The following DHDH variants were observed in gnomAD, a reference collection of about 807,000 sequenced individuals.
DHDH encodes the protein dihydrodiol dehydrogenase.
Under a neutral mutation model 33.2 loss-of-function variants are expected in DHDH, and 29 were observed. That is an observed-to-expected ratio of 0.87 (90% confidence interval 0.65 to 1.19). The LOEUF (loss-of-function observed/expected upper bound fraction) is 1.19. DHDH is among the 50% of genes most tolerant of loss of function. DHDH has a pLI of 0.00. For synonymous variants in DHDH, 201 were observed against 187.9 expected, an observed-to-expected ratio of 1.07 and a Z score of -0.57; for missense variants, 431 against 455.0, an observed-to-expected ratio of 0.95 and a Z score of 0.48.
At chr19:48,936,319 A>G (rs1180679648) in intron 3 of DHDH, 124 bp downstream of exon 3, 18 of 1,297,346 alleles carry the variant, frequency 1.4e-5, no homozygotes, top group Non-Finnish European at 1.8e-5. Flanking sequence ...GGCAGCATCT[A>G]TTACCGTGAA....
upstream of DHDH, among the ~76,000 whole-genome samples, chr19:48,933,461 C>A (rs985011755): frequency 1.1e-4 from 17 of 152,244 alleles, no homozygotes; most frequent in African/African-American, 3.9e-4. Flanking sequence ...CCCGCGTATC[C>A]GACGAGCCTA....
In DHDH at chr19:48,944,524, G is replaced by A. The variant is rs1471294480; in HGVS notation, c.895+17G>A. ...TACGCAAGGGTAAGGATATGGATGC[G>A]GGGCAGGCGCCAGGCCTGGTAGGGG... On this transcript the variant is annotated intron_variant, in intron 6 of 6. Transcript: ENST00000221403. The A allele has an allele frequency of 4.4e-6, 7 of 1,577,042 alleles. No homozygotes were observed. The highest frequency in any genetic ancestry group is 1.8e-5 in the Admixed American group (1 of 57,120).
At chr19:48,942,005 T>A (rs1360135590) in intron 4 of DHDH, among the ~76,000 whole-genome samples, 1 of 150,840 alleles carries the variant, frequency 6.6e-6, no homozygotes, top group Non-Finnish European at 1.5e-5. Flanking sequence ...TGTGTGTGTG[T>A]GTGTGTGTGT....
At chr19:48,935,796 G>T (rs973767216) in intron 2 of DHDH, among the ~76,000 whole-genome samples, 2 of 151,764 alleles carry the variant, frequency 1.3e-5, no homozygotes, top group Non-Finnish European at 2.9e-5. Context: ...CAGCCTGGGC[G>T]AAGAGTGAGA....
At chr19:48,942,963 G>A (rs906419153) in intron 5 of DHDH, among the ~76,000 whole-genome samples, 10 of 151,772 alleles carry the variant, frequency 6.6e-5, no homozygotes, top group Admixed American at 5.3e-4. Context: ...GCTGAGGCAG[G>A]AGAATTGCTT....
intron 3 of DHDH, among the ~76,000 whole-genome samples, chr19:48,937,794 A>G (rs11881198): frequency 0.34 from 49,995 of 147,394 alleles, 11,745 homozygotes; most frequent in African/African-American, 0.65. Flanking sequence ...CCTGGACGAC[A>G]AGAGCGAGAC....
At chr19:48,944,336 C>A (rs1475991933) in intron 5 of DHDH, 21 bp from the exon 6 acceptor site, 3 of 1,613,032 alleles carry the variant, frequency 1.9e-6, no homozygotes, top group African/African-American at 1.3e-5. Context: ...GGCAGCAGTG[C>A]CACTTCTTCT....
At chr19:48,941,128 T>C (rs2037853028) in intron 4 of DHDH, among the ~76,000 whole-genome samples, 1 of 152,204 alleles carries the variant, frequency 6.6e-6, no homozygotes, top group Admixed American at 6.5e-5. Flanking sequence ...CTGCAGTCAG[T>C]TGGCTGTTCA....
At chr19:48,944,560 C>T (rs750005728) in intron 6 of DHDH, 53 bp downstream of exon 6, 55 of 1,543,780 alleles carry the variant, frequency 3.6e-5, no homozygotes, top group Non-Finnish European at 4.6e-5. Flanking sequence ...GATGTTGGGC[C>T]CCTCCCCACC....
At chr19:48,933,123 G>A (rs894373422), upstream of DHDH, among the ~76,000 whole-genome samples, 5 of 152,114 alleles carry the variant, frequency 3.3e-5, no homozygotes, top group Admixed American at 2.0e-4. Context: ...AAATGACCAG[G>A]GATCTTGGAG....
At chr19:48,933,180 G>A (rs2037726527), upstream of DHDH, among the ~76,000 whole-genome samples, 1 of 152,178 alleles carries the variant, frequency 6.6e-6, no homozygotes, top group Non-Finnish European at 1.5e-5. Context: ...CTACTTCCCA[G>A]GTCTGCGGGG....
intron 5 of DHDH, among the ~76,000 whole-genome samples, chr19:48,943,081 T>C (rs1372558751): frequency 6.9e-6 from 1 of 145,446 alleles, no homozygotes; most frequent in East Asian, 2.1e-4. Context: ...TATATATATA[T>C]GTATCCTTGG....
At chr19:48,944,687 C>G (rs1433292798) in intron 6 of DHDH, 137 bp from the exon 7 acceptor site, 1 of 1,185,862 alleles carries the variant, frequency 8.4e-7, no homozygotes, top group Non-Finnish European at 1.2e-6. Context: ...AAAAAAAGAA[C>G]TATATCTCTC....
Position 48,934,307 on chromosome 19 carries a change from C to T in DHDH, c.90+496C>T, listed in dbSNP as rs191103145. The stretch of plus-strand genomic sequence containing the variant: ...CTGCCCAAGAAAGCCTGGGTATTGT[C>T]CAGGGTTTCCCCCCACTGAGAAAGC... On this transcript the variant is annotated intron_variant, in intron 1 of 6. Coordinates refer to ENST00000221403, the MANE Select transcript of DHDH (RefSeq NM_014475.4). 5.9e-5 allele frequency among the ~76,000 whole-genome samples: 9 copies of T among 152,334 alleles called. No homozygotes were observed. The East Asian group carries it at 1.7e-3, about 29-fold the overall frequency.
intron 3 of DHDH, among the ~76,000 whole-genome samples, chr19:48,938,503 C>T (rs970301914): frequency 2.6e-5 from 4 of 152,042 alleles, no homozygotes; most frequent in Admixed American, 2.0e-4. Flanking sequence ...ATCTATATGC[C>T]TCCTTTAAGG....
chr19:48,935,120 C>T lies in DHDH; in HGVS notation c.202+9C>T. Reference sequence around the variant, plus strand: ...CAAGGACCCGAGCGTGGGTGAGTGGCGAGGGCGATGGGGGTGCTGGCCGCC... The same window carrying T: ...CAAGGACCCGAGCGTGGGTGAGTGGTGAGGGCGATGGGGGTGCTGGCCGCC... On this transcript the variant is annotated intron_variant, in intron 2 of 6. Transcript: ENST00000221403. The T allele has an allele frequency of 6.5e-7, 1 of 1,542,948 alleles. No individual in the cohort carries two copies. The highest frequency in any genetic ancestry group is 8.7e-7 in the Non-Finnish European group (1 of 1,147,522).
At position 48,944,863 on chromosome 19, in the gene DHDH, A is replaced by G. The variant is rs770006483; in HGVS notation, c.935A>G (p.Glu312Gly). 6.2e-7 allele frequency: 1 copy of G among 1,614,008 alleles called. No homozygotes were observed. Among genetic ancestry groups the G allele is most frequent in the Non-Finnish European group, 8.5e-7 (1 of 1,180,016 alleles). ...ESPVIPLSES[E>G]LLADILEEVR... ...CCTGTGATTCCCCTGTCGGAAAGTG[A>G]GCTCCTGGCTGACATCCTTGAAGAG... The change falls in exon 7 of 7, where the codon GAG (glutamate) becomes GGG (glycine). Residue 312 changes from glutamate (E) to glycine (G), a missense_variant. Transcript: ENST00000221403.
At chr19:48,933,906 T>A (rs1035428689) in intron 1 of DHDH, 95 bp downstream of exon 1, 2 of 1,125,894 alleles carry the variant, frequency 1.8e-6, no homozygotes, top group African/African-American at 1.5e-5. Context: ...GACTAGTGAG[T>A]GGGTCGTCAT....
rs370625899 is a variant in DHDH at position 48,944,486 on chromosome 19, G to A, written c.874G>A (p.Val292Ile). ...AGGCATGAGTTATGAGGCCAAGCAC[G>A]TCTGGGAGTGCCTACGCAAGGGTAA... is the stretch of plus-strand genomic sequence containing the variant. ...GAGMSYEAKH[V>I]WECLRKGMKE... Residue 292 changes from valine to isoleucine, a missense_variant, in exon 6 of 7, where the codon GTC becomes ATC. Val to Ile is a conservative substitution (Grantham distance 29, BLOSUM62 3). Transcript: ENST00000221403. 5.6e-6 allele frequency: 9 copies of A among 1,607,746 alleles called. No individual in the cohort carries two copies. Among genetic ancestry groups the A allele is most frequent in the Middle Eastern group, 1.6e-4 (1 of 6,074 alleles).
Sources: gnomAD v4.1 joint callset for allele counts (sites outside exome capture counted in the v4.1 genomes callset) on GRCh38, gnomAD v4.1.1 for gene constraint, MANE v1.5 for transcripts, NCBI Gene and HGNC (gene_info 2026-07-23, HGNC 2026-07-21) for gene names.